Variants in PNPLA4 observed in about 807,000 individuals in gnomAD.
The protein encoded by PNPLA4 is patatin like domain 4, phospholipase and triacylglycerol lipase.
In PNPLA4, 15 loss-of-function variants were observed where a neutral mutation model predicts 18.3. The ratio of observed to expected loss-of-function variants is 0.82; its 90% CI spans 0.55 to 1.26. The LOEUF (loss-of-function observed/expected upper bound fraction) is 1.26. Among genes scored for constraint, PNPLA4 ranks in the 50% most tolerant of loss-of-function variants. The pLI is 0.00. For missense variants in PNPLA4, 229 were observed against 196.8 expected (o/e 1.16, Z -0.98); for synonymous variants, 88 against 85.6 (o/e 1.03, Z -0.16).
chrX:7,904,943 T>C (rs1923660805), intron 5 of PNPLA4, among the ~76,000 whole-genome samples: 1 of 111,976 alleles, frequency 8.9e-6, no homozygotes, highest in Non-Finnish European at 1.9e-5. Context: ...ACATAAAAAT[T>C]CCAAGGCAAA....
chrX:7,906,848 C>G, intron 5 of PNPLA4, among the ~76,000 whole-genome samples: 2 of 111,965 alleles, frequency 1.8e-5, no homozygotes, highest in Non-Finnish European at 3.8e-5. Context: ...GAAAAATGAC[C>G]CATATCCGCA....
chrX:7,903,690 T>A (rs968838583), intron 5 of PNPLA4, among the ~76,000 whole-genome samples: 1 of 111,760 alleles, frequency 8.9e-6, no homozygotes, highest in Non-Finnish European at 1.9e-5. Flanking sequence ...CCAAAGGAAA[T>A]AAAAGTAAAT....
intron 1 of PNPLA4, among the ~76,000 whole-genome samples, chrX:7,926,523 T>C (rs144789836): frequency 5.3e-4 from 59 of 111,773 alleles, no homozygotes; most frequent in African/African-American, 1.9e-3. Context: ...AACAGAAAAT[T>C]ATTAGAGACC....
intron 2 of PNPLA4, among the ~76,000 whole-genome samples, chrX:7,922,940 A>G (rs1924278941): frequency 8.9e-6 from 1 of 112,275 alleles, no homozygotes; most frequent in African/African-American, 3.2e-5. Context: ...AGAGGGCTAT[A>G]AGAGCCCCCA....
chrX:7,909,450 T>G (rs1004137077), intron 5 of PNPLA4, among the ~76,000 whole-genome samples: 20 of 109,808 alleles, frequency 1.8e-4, no homozygotes, highest in African/African-American at 6.7e-4. Context: ...TCCCAGCTAC[T>G]CAGGAGGCTG....
rs765045063 is a variant in PNPLA4, at chrX:7,910,787, A to G, written c.477+1241T>C. On this transcript the variant is annotated intron_variant, in intron 5 of 6. Coordinates refer to ENST00000381042, the MANE Select transcript of PNPLA4 (RefSeq NM_004650.3). ...GATACCCTATTTGATTATAAAATAC[A>G]TATCTCTGGTATGTGTTAGATACCT... Among the ~76,000 whole-genome samples the G allele has an allele frequency of 1.6e-3, 172 of 110,044 alleles. 1 individual carries two copies. The highest frequency in any genetic ancestry group is 4.3e-3 in the South Asian group (11 of 2,576).
At chrX:7,906,879 G>GT (rs1411382925) in intron 5 of PNPLA4, among the ~76,000 whole-genome samples, 1 of 112,406 alleles carries the variant, frequency 8.9e-6, no homozygotes, top group Non-Finnish European at 1.9e-5. Context: ...TAATACAACA[G>GT]TGCATTTTCA....
Position 7,900,591 on chromosome X carries a change from A to G in PNPLA4, c.*95T>C, listed in dbSNP as rs780307357. On this transcript the variant is annotated 3_prime_UTR_variant, in exon 7 of 7. Transcript: ENST00000381042. ...CACAAATATTACAAGGAGTAATACA[A>G]TTGAGTCATGATAGATTTTCTAAAA... The G allele has an allele frequency of 8.6e-6, 5 of 581,091 alleles. No homozygotes were observed. In the East Asian group the frequency reaches 1.9e-4, roughly 22 times the overall value. 47.9% of individuals were successfully genotyped at this position (581,091 alleles called of 1,213,427 possible). A position where few individuals can be genotyped will look rare whatever the true frequency, so the allele number is the denominator to read the frequency against.
chrX:7,922,663 C>T (rs896033391), intron 2 of PNPLA4, among the ~76,000 whole-genome samples: 6 of 112,456 alleles, frequency 5.3e-5, no homozygotes, highest in Non-Finnish European at 9.4e-5. Context: ...AGTTCATCTT[C>T]ACATCACCCT....
chrX:7,917,927 G>C (rs1924095927), intron 4 of PNPLA4, among the ~76,000 whole-genome samples: 1 of 112,251 alleles, frequency 8.9e-6, no homozygotes, highest in African/African-American at 3.2e-5. Context: ...AACAGCATCA[G>C]TCAGCTAGTG....
At chrX:7,924,991 G>A (rs533720506) in intron 2 of PNPLA4, among the ~76,000 whole-genome samples, 3 of 111,896 alleles carry the variant, frequency 2.7e-5, no homozygotes, top group South Asian at 7.4e-4. Context: ...GGAATTTTCC[G>A]ACCTCATTTA....
chrX:7,923,554 G>C (rs1924300413), intron 2 of PNPLA4, among the ~76,000 whole-genome samples: 1 of 112,080 alleles, frequency 8.9e-6, no homozygotes, highest in Admixed American at 9.5e-5. Flanking sequence ...TGTCAAATCA[G>C]CAACGGGAAA....
intron 4 of PNPLA4, among the ~76,000 whole-genome samples, chrX:7,917,533 GTTA>G (rs1924081728): frequency 8.9e-6 from 1 of 111,819 alleles, no homozygotes; most frequent in Non-Finnish European, 1.9e-5. Flanking sequence ...GTGTGTGTGG[GTTA>G]TTATGTTATT....
chrX:7,922,466 T>C, intron 2 of PNPLA4, among the ~76,000 whole-genome samples: 1 of 112,622 alleles, frequency 8.9e-6, no homozygotes. Flanking sequence ...GCAGTTTGAT[T>C]ACAACCGTGC....
Position 7,899,663 on chromosome X carries a change from G to GAGAGAGAGAA in PNPLA4, c.*1022_*1023insTTCTCTCTCT, listed in dbSNP as rs1923459154. The GAGAGAGAGAA allele has an allele frequency of 1.9e-5, 2 of 103,114 alleles. No individual in the cohort carries two copies. Among genetic ancestry groups the GAGAGAGAGAA allele is most frequent in the Non-Finnish European group, 4.0e-5 (2 of 50,209 alleles). 8.5% of individuals were successfully genotyped at this position (103,114 alleles called of 1,213,427 possible). The stretch of plus-strand genomic sequence containing the variant: ...AGAGAGAGAGAGAGAGAGAGAGAGA[G>GAGAGAGAGAA]AGAGAGAGAGAGAGAGAATGAATGA... On this transcript the variant is annotated 3_prime_UTR_variant, in exon 7 of 7. Coordinates refer to ENST00000381042, the MANE Select transcript of PNPLA4 (RefSeq NM_004650.3).
At chrX:7,910,368 C>T (rs1245495942) in intron 5 of PNPLA4, among the ~76,000 whole-genome samples, 1 of 111,050 alleles carries the variant, frequency 9.0e-6, no homozygotes, top group Non-Finnish European at 1.9e-5. Flanking sequence ...TGTTGAGAGA[C>T]CATCAATTCC....
intron 1 of PNPLA4, among the ~76,000 whole-genome samples, 195 bp downstream of exon 1, chrX:7,927,091 C>A (rs1388495502): frequency 2.7e-5 from 3 of 113,121 alleles, no homozygotes; most frequent in Admixed American, 1.8e-4. Context: ...GTCATCGATC[C>A]GGGGTCAAGC....
chrX:7,902,227 G>C, intron 5 of PNPLA4, 86 bp from the exon 6 acceptor site: 4 of 919,855 alleles, frequency 4.3e-6, no homozygotes, highest in Non-Finnish European at 6.0e-6. Flanking sequence ...TGTGTGCCTT[G>C]GATATGCTTT....
At chrX:7,916,782 G>A (rs1444408074) in intron 4 of PNPLA4, among the ~76,000 whole-genome samples, 1 of 111,668 alleles carries the variant, frequency 9.0e-6, no homozygotes, top group East Asian at 2.8e-4. Flanking sequence ...ATCCTTGGGG[G>A]TAACATTTTT....
Sources: gnomAD v4.1 joint callset for allele counts (sites outside exome capture counted in the v4.1 genomes callset) on GRCh38, gnomAD v4.1.1 for gene constraint, MANE v1.5 for transcripts, NCBI Gene and HGNC (gene_info 2026-07-23, HGNC 2026-07-21) for gene names.